Variants in TMEM50B observed in about 807,000 individuals in gnomAD.
The protein encoded by TMEM50B is transmembrane protein 50B, also known as HCV p7-trans-regulated protein 3.
A neutral mutation model predicts 23.4 loss-of-function variants in TMEM50B; 14 were observed. The ratio of observed to expected loss-of-function variants is 0.60; its 90% CI spans 0.39 to 0.93. TMEM50B has a LOEUF of 0.93. Among genes scored for constraint, TMEM50B ranks in the 40% least tolerant of loss-of-function variants. The pLI is 0.00. For missense variants in TMEM50B, 159 were observed against 193.0 expected (o/e 0.82, Z 1.04); for synonymous variants, 64 against 62.3 (o/e 1.03, Z -0.13).
downstream of TMEM50B, among the ~76,000 whole-genome samples, chr21:33,445,640 C>G (rs1403905783): frequency 6.6e-6 from 1 of 152,208 alleles, no homozygotes; most frequent in Non-Finnish European, 1.5e-5. Flanking sequence ...ACTAAAAATA[C>G]AAAAACAATT....
Position 33,433,188 on chromosome 21 carries a change from G to A in TMEM50B, c.*2121-386C>T, listed in dbSNP as rs546035322. On this transcript the variant is annotated intron_variant and NMD_transcript_variant, in intron 8 of 8. Transcript: ENST00000420455. The stretch of plus-strand genomic sequence containing the variant: ...GGCGGGAGCCACTGCGCCCGGCCAC[G>A]CAGACATCTTAATGGTGACACATCA... Among the ~76,000 whole-genome samples, 76 of 151,996 alleles carry A rather than the reference G, an allele frequency of 5.0e-4. 2 individuals are homozygous for A. The South Asian group carries it at 0.015, about 30-fold the overall frequency.
Position 33,479,869 on chromosome 21 carries a change from G to C in TMEM50B, c.-73C>G, listed in dbSNP as rs1248971933. ...TCCTCAAACGCCCACGCCGACTTCAGGCGCGCGCGCAGGAAGGAGACTGCT... is the reference window on the plus strand; with the variant it reads ...TCCTCAAACGCCCACGCCGACTTCACGCGCGCGCGCAGGAAGGAGACTGCT... On this transcript the variant is annotated 5_prime_UTR_variant, in exon 1 of 7. Transcript: ENST00000542230. 1 of 152,272 alleles carries C rather than the reference G, an allele frequency of 6.6e-6. No homozygotes were observed. The highest frequency in any genetic ancestry group is 2.4e-5 in the African/African-American group (1 of 41,456). The allele number at this position is 152,272 out of a possible 1,614,324, so 9.4% of individuals were successfully genotyped here.
At chr21:33,454,473 G>C (rs998928031) in intron 6 of TMEM50B, among the ~76,000 whole-genome samples, 1 of 151,914 alleles carries the variant, frequency 6.6e-6, no homozygotes, top group African/African-American at 2.4e-5. Context: ...ACTAATGTTT[G>C]TATTTTTATT....
chr21:33,456,073 G>C, intron 5 of TMEM50B: 1 of 634,096 alleles, frequency 1.6e-6, no homozygotes, highest in Non-Finnish European at 3.0e-6. Flanking sequence ...GCAGTAACTT[G>C]CTCCTTTGCC....
intron 1 of TMEM50B, chr21:33,478,741 C>A: frequency 2.1e-6 from 1 of 469,466 alleles, no homozygotes; most frequent in South Asian, 1.6e-5. Context: ...TCTTGCACCA[C>A]TATCTTCAGT....
intron 7 of TMEM50B, chr21:33,439,316 A>G (rs1176059507): frequency 6.6e-6 from 1 of 152,172 alleles, no homozygotes; most frequent in African/African-American, 2.4e-5. Flanking sequence ...GGAGAACAGG[A>G]AAGAGTTTCA....
chr21:33,475,540 G>T (rs1447648141), intron 1 of TMEM50B, among the ~76,000 whole-genome samples: 2 of 151,988 alleles, frequency 1.3e-5, no homozygotes, highest in South Asian at 4.1e-4. Flanking sequence ...TAGAGACAGG[G>T]TTTCACCATC....
chr21:33,468,663 A>G (rs2084286002), intron 2 of TMEM50B, 124 bp downstream of exon 2: 1 of 704,058 alleles, frequency 1.4e-6, no homozygotes, highest in Non-Finnish European at 2.4e-6. Flanking sequence ...TCTGATAATC[A>G]TCTATACAAA....
At chr21:33,435,853 C>T (rs1326930253) in intron 8 of TMEM50B, among the ~76,000 whole-genome samples, 1 of 126,726 alleles carries the variant, frequency 7.9e-6, no homozygotes, top group Non-Finnish European at 1.6e-5. Flanking sequence ...CACTGCACTC[C>T]AGCCTGGCAA....
chr21:33,471,082 G>C (rs1319675425), intron 1 of TMEM50B, among the ~76,000 whole-genome samples: 1 of 152,132 alleles, frequency 6.6e-6, no homozygotes, highest in Non-Finnish European at 1.5e-5. Flanking sequence ...GCTGGAAATT[G>C]AAGGGGGACA....
At chr21:33,479,431 G>A (rs1451549697) in intron 1 of TMEM50B, 5 of 152,484 alleles carry the variant, frequency 3.3e-5, no homozygotes, top group Non-Finnish European at 7.3e-5. Flanking sequence ...GGCCTCGGGA[G>A]GGCGTCGCGG....
chr21:33,445,015 T>C (rs928779), downstream of TMEM50B, among the ~76,000 whole-genome samples: 27,773 of 149,950 alleles, frequency 0.19, 3,144 homozygotes, highest in Non-Finnish European at 0.24. Flanking sequence ...CCTGAGCTAC[T>C]TGGAAGGCTG....
chr21:33,444,003 C>T (rs959180573), intron 7 of TMEM50B, among the ~76,000 whole-genome samples: 2 of 152,110 alleles, frequency 1.3e-5, no homozygotes, highest in African/African-American at 4.8e-5. Context: ...TGGGTTCAAG[C>T]GATTCTCCTG....
chr21:33,467,153 TAAA>T (rs749301422), intron 2 of TMEM50B, 31 bp from the exon 3 acceptor site: 58 of 1,557,542 alleles, frequency 3.7e-5, no homozygotes, highest in Admixed American at 5.0e-5. Flanking sequence ...ACTGAAACAT[TAAA>T]ACTCTTGCTA....
At chr21:33,436,040 G>A (rs575644352) in intron 8 of TMEM50B, among the ~76,000 whole-genome samples, 5 of 150,724 alleles carry the variant, frequency 3.3e-5, no homozygotes, top group South Asian at 2.1e-4. Flanking sequence ...CAGCCTGGGC[G>A]AAAAAGAGAC....
At chr21:33,477,933 A>G (rs2084389382) in intron 1 of TMEM50B, among the ~76,000 whole-genome samples, 1 of 151,538 alleles carries the variant, frequency 6.6e-6, no homozygotes, top group Non-Finnish European at 1.5e-5. Context: ...CAGGAGATCG[A>G]GACCATCCTG....
intron 7 of TMEM50B, among the ~76,000 whole-genome samples, chr21:33,440,949 G>A (rs949276348): frequency 2.5e-4 from 38 of 152,004 alleles, no homozygotes; most frequent in African/African-American, 8.7e-4. Flanking sequence ...TGGACTTCTG[G>A]CAGGGCACGG....
downstream of TMEM50B, among the ~76,000 whole-genome samples, chr21:33,448,058 T>C (rs1872476146): frequency 6.6e-6 from 1 of 152,208 alleles, no homozygotes; most frequent in African/African-American, 2.4e-5. Flanking sequence ...AGTTGCACGA[T>C]CTTGGCTCAC....
rs549342938 is a variant in TMEM50B at position 33,455,640 on chromosome 21, TTA to T, written c.431+85_431+86del. The T allele has an allele frequency of 5.0e-4, 550 of 1,097,522 alleles. 9 individuals are homozygous for T. The South Asian group carries it at 6.7e-3, about 13-fold the overall frequency. 68.0% of individuals were successfully genotyped at this position (1,097,522 alleles called of 1,614,324 possible). On this transcript the variant is annotated intron_variant, in intron 6 of 6. Transcript: ENST00000542230. ...TATCATTGTAACCAATCCATGGGATTTATATGTGTTCCATATATATGCTGCCT... is the reference window on the plus strand; with the variant it reads ...TATCATTGTAACCAATCCATGGGATTTATGTGTTCCATATATATGCTGCCT...
Sources: gnomAD v4.1 joint callset for allele counts (sites outside exome capture counted in the v4.1 genomes callset) on GRCh38, gnomAD v4.1.1 for gene constraint, MANE v1.5 for transcripts, NCBI Gene and HGNC (gene_info 2026-07-23, HGNC 2026-07-21) for gene names.